Variants in CXCR2 observed in about 807,000 individuals in gnomAD.
The protein encoded by CXCR2 is C-X-C chemokine receptor type 2.
In CXCR2, 2 loss-of-function variants were observed where a neutral mutation model predicts 3.7. The observed-to-expected ratio is 0.55, with a 90% CI of 0.22 to 1.72. CXCR2 has a LOEUF of 1.72. CXCR2 is among the 40% of genes most tolerant of loss of function. The probability of loss-of-function intolerance (pLI) is 0.19; values close to 1 mark genes in which losing one functional copy is unlikely to be tolerated. For synonymous variants in CXCR2, 203 were observed against 193.3 expected, an observed-to-expected ratio of 1.05 and a Z score of -0.41; for missense variants, 351 against 450.1, an observed-to-expected ratio of 0.78 and a Z score of 1.99.
rs1395403482 is a variant in CXCR2 at position 218,126,350 on chromosome 2, G to A, written c.-81G>A. On this transcript the variant is annotated 5_prime_UTR_variant, in exon 1 of 3. Coordinates refer to ENST00000318507, the MANE Select transcript of CXCR2 (RefSeq NM_001557.4). ...GACATCGGTGGCCACTCCAATAACAGCAGGTAGGTGACTTGTTCAGTCTGA... is the reference window on the plus strand; with the variant it reads ...GACATCGGTGGCCACTCCAATAACAACAGGTAGGTGACTTGTTCAGTCTGA... The A allele has an allele frequency of 6.6e-6, 1 of 152,078 alleles. No homozygotes were observed. Among genetic ancestry groups the A allele is most frequent in the African/African-American group, 2.4e-5 (1 of 41,362 alleles). 9.4% of individuals were successfully genotyped at this position (152,078 alleles called of 1,614,324 possible).
intron 2 of CXCR2, among the ~76,000 whole-genome samples, chr2:218,134,199 G>A (rs1261341902): frequency 1.3e-5 from 2 of 152,158 alleles, no homozygotes; most frequent in East Asian, 3.8e-4. Flanking sequence ...CTTTTCTGAG[G>A]GTATAGCCCA....
intron 2 of CXCR2, among the ~76,000 whole-genome samples, chr2:218,133,130 G>T (rs1427863236): frequency 6.6e-6 from 1 of 151,978 alleles, no homozygotes; most frequent in Admixed American, 6.6e-5. Context: ...TCTCACACTG[G>T]GTTCCATTTT....
intron 1 of CXCR2, among the ~76,000 whole-genome samples, chr2:218,127,566 C>T (rs2106098309): frequency 6.6e-6 from 1 of 152,302 alleles, no homozygotes; most frequent in South Asian, 2.1e-4. Flanking sequence ...TTGTATCTGA[C>T]TTTCTGGGAC....
Position 218,130,278 on chromosome 2 carries a change from G to A in CXCR2, c.-26+913G>A, listed in dbSNP as rs17844683. Among the ~76,000 whole-genome samples, 1,510 of 152,088 alleles carry A rather than the reference G, an allele frequency of 9.9e-3. 43 individuals are homozygous for A. Among genetic ancestry groups the A allele is most frequent in the African/African-American group, 0.034 (1,429 of 41,480 alleles). On this transcript the variant is annotated intron_variant, in intron 2 of 2. Transcript: ENST00000318507. ...TCTACTAAAATACAAAAATTGGCCG[G>A]GTGCAGTGGCAGGCGCCTGTAATCT... is the stretch of plus-strand genomic sequence containing the variant.
In CXCR2 at chr2:218,134,909, C is replaced by T. The variant is rs201373363; in HGVS notation, c.108C>T (p.Ala36=). Residue 36 remains alanine (A), a synonymous_variant, in exon 3 of 3, where the codon GCC becomes GCT. Coordinates refer to ENST00000318507, the MANE Select transcript of CXCR2 (RefSeq NM_001557.4). ...SSTLPPFLLD[A]APCEPESLEI... Reference sequence around the variant, plus strand: ...CCCTGCCCCCTTTTCTACTAGATGCCGCCCCATGTGAACCAGAATCCCTGG... The same window carrying T: ...CCCTGCCCCCTTTTCTACTAGATGCTGCCCCATGTGAACCAGAATCCCTGG... 9.9e-6 allele frequency: 16 copies of T among 1,614,080 alleles called. No individual in the cohort carries two copies. Among genetic ancestry groups the T allele is most frequent in the African/African-American group, 8.0e-5 (6 of 74,996 alleles).
At chr2:218,134,326 A>C (rs1690725881) in intron 2 of CXCR2, among the ~76,000 whole-genome samples, 6 of 152,072 alleles carry the variant, frequency 3.9e-5, no homozygotes, top group Admixed American at 3.9e-4. Context: ...TAAGGTCAGG[A>C]GTTTAAGACC....
Position 218,136,017 on chromosome 2 carries a change from A to C in CXCR2, c.*133A>C. On this transcript the variant is annotated 3_prime_UTR_variant, in exon 3 of 3. Transcript: ENST00000318507. ...CCATTGTGGTCACAGGAAGTAGAGG[A>C]GGCCACGTTCTTACTAGTTTCCCTT... The C allele has an allele frequency of 8.4e-7, 1 of 1,192,830 alleles. No individual in the cohort carries two copies. 73.9% of individuals were successfully genotyped at this position (1,192,830 alleles called of 1,614,324 possible).
At chr2:218,131,548 C>T (rs1690646821) in intron 2 of CXCR2, among the ~76,000 whole-genome samples, 1 of 150,060 alleles carries the variant, frequency 6.7e-6, no homozygotes, top group Admixed American at 6.7e-5. Context: ...CGGCTCACTG[C>T]AAGCTTCGCT....
rs1313993741 is a variant in CXCR2 at position 218,136,195 on chromosome 2, A to T, written c.*311A>T. Reference sequence around the variant, plus strand: ...TCCAGTGAGACAGCTCTGCATACTCATTAGGATGGCTAGTATCAAAAGAAA... The same window carrying T: ...TCCAGTGAGACAGCTCTGCATACTCTTTAGGATGGCTAGTATCAAAAGAAA... On this transcript the variant is annotated 3_prime_UTR_variant, in exon 3 of 3. Transcript: ENST00000318507. 1 of 285,680 alleles carries T rather than the reference A, an allele frequency of 3.5e-6. No individual in the cohort carries two copies. The highest frequency in any genetic ancestry group is 7.0e-6 in the Non-Finnish European group (1 of 143,474). 17.7% of individuals were successfully genotyped at this position (285,680 alleles called of 1,614,324 possible). A position where few individuals can be genotyped will look rare whatever the true frequency, so the allele number is the denominator to read the frequency against.
At chr2:218,127,171 G>A (rs1690531042) in intron 1 of CXCR2, among the ~76,000 whole-genome samples, 1 of 152,224 alleles carries the variant, frequency 6.6e-6, no homozygotes, top group Non-Finnish European at 1.5e-5. Flanking sequence ...CTGTCGCCCA[G>A]GCTGGAATGC....
chr2:218,128,583 T>C (rs1463275119), intron 1 of CXCR2, among the ~76,000 whole-genome samples: 1 of 152,252 alleles, frequency 6.6e-6, no homozygotes, highest in Admixed American at 6.5e-5. Context: ...AACATTGTTT[T>C]TAAAAATGCA....
intron 2 of CXCR2, among the ~76,000 whole-genome samples, chr2:218,133,567 G>A (rs1690703577): frequency 6.6e-6 from 1 of 152,130 alleles, no homozygotes; most frequent in Non-Finnish European, 1.5e-5. Flanking sequence ...CCAAAGTGCT[G>A]GGATTACAGG....
intron 1 of CXCR2, among the ~76,000 whole-genome samples, chr2:218,127,497 A>C (rs1019058018): frequency 3.5e-4 from 54 of 152,276 alleles, no homozygotes; most frequent in African/African-American, 1.3e-3. Context: ...TGACCTAAGG[A>C]GCATGAAGAA....
rs774844323 is a variant in CXCR2, at chr2:218,135,867, A to G, written c.1066A>G (p.Thr356Ala). The change falls in exon 3 of 3, where the codon ACT becomes GCT. Residue 356 changes from threonine (T) to alanine (A), a missense_variant. By Grantham distance (58) the Thr-to-Ala change is moderately conservative. Transcript: ENST00000318507. The surrounding 1 kb of genome is among the most constrained non-coding windows in gnomAD (Gnocchi z 4.0). ...PSFVGSSSGHTSTTL is the reference protein window; with the variant it reads ...PSFVGSSSGHASTTL Reference sequence around the variant, plus strand: ...CTTTGTTGGCTCTTCTTCAGGGCACACTTCCACTACTCTCTAAGACCTCCT... The same window carrying G: ...CTTTGTTGGCTCTTCTTCAGGGCACGCTTCCACTACTCTCTAAGACCTCCT... 7 of 1,611,204 alleles carry G rather than the reference A, an allele frequency of 4.3e-6. No homozygotes were observed. Among genetic ancestry groups the G allele is most frequent in the Non-Finnish European group, 5.9e-6 (7 of 1,178,222 alleles).
chr2:218,134,603 A>G (rs1181555062), intron 2 of CXCR2, among the ~76,000 whole-genome samples, 174 bp from the exon 3 acceptor site: 3 of 152,196 alleles, frequency 2.0e-5, no homozygotes, highest in African/African-American at 7.2e-5. Flanking sequence ...AAAATGTACC[A>G]TTTATCACCA....
chr2:218,137,200 T>C lies in CXCR2; in HGVS notation c.*1316T>C, dbSNP rs1025299421. 1 of 167,232 alleles carries C rather than the reference T, an allele frequency of 6.0e-6. No homozygotes were observed. The highest frequency in any genetic ancestry group is 1.5e-5 in the Non-Finnish European group (1 of 68,120). 10.4% of individuals were successfully genotyped at this position (167,232 alleles called of 1,614,324 possible). A position where few individuals can be genotyped will look rare whatever the true frequency, so the allele number is the denominator to read the frequency against. The stretch of plus-strand genomic sequence containing the variant: ...CCACCTGCCTATATTTTTTGTTAAA[T>C]GATTTCATTCAATATCTTTTTTTTA... On this transcript the variant is annotated 3_prime_UTR_variant, in exon 3 of 3. Coordinates refer to ENST00000318507, the MANE Select transcript of CXCR2 (RefSeq NM_001557.4).
At chr2:218,126,714 T>G (rs756375146) in intron 1 of CXCR2, among the ~76,000 whole-genome samples, 2 of 152,164 alleles carry the variant, frequency 1.3e-5, no homozygotes, top group Non-Finnish European at 2.9e-5. Flanking sequence ...TGTGGCATGA[T>G]CTTGGCTCAT....
Position 218,135,631 on chromosome 2 carries a change from T to C in CXCR2, c.830T>C (p.Met277Thr). Reference sequence around the variant, plus strand: ...CTGGTCCTGCTGGCAGACACCCTCATGAGGACCCAGGTGATCCAGGAGACC... The same window carrying C: ...CTGGTCCTGCTGGCAGACACCCTCACGAGGACCCAGGTGATCCAGGAGACC... ...YNLVLLADTLMRTQVIQETCE... is the reference protein window; with the variant it reads ...YNLVLLADTLTRTQVIQETCE... Residue 277 changes from methionine to threonine, a missense_variant, in exon 3 of 3, where the codon ATG (methionine) becomes ACG (threonine). By Grantham distance (81) the Met-to-Thr change is moderately conservative (BLOSUM62 -1). Transcript: ENST00000318507. This position sits in a 1 kb window ranked among gnomAD's most constrained non-coding sequence, Gnocchi z 4.0. The C allele has an allele frequency of 6.2e-7, 1 of 1,614,092 alleles. No individual in the cohort carries two copies.
Position 218,135,512 on chromosome 2 carries a change from G to A in CXCR2, c.711G>A (p.Thr237=), listed in dbSNP as rs201499279. The part of the protein sequence containing the change: ...MLFCYGFTLR[T]LFKAHMGQKH... ...TCTGCTACGGATTCACCCTGCGTACGCTGTTTAAGGCCCACATGGGGCAGA... is the reference window on the plus strand; with the variant it reads ...TCTGCTACGGATTCACCCTGCGTACACTGTTTAAGGCCCACATGGGGCAGA... Residue 237 remains threonine (T), a synonymous_variant, in exon 3 of 3, where the codon ACG becomes ACA. Coordinates refer to ENST00000318507, the MANE Select transcript of CXCR2 (RefSeq NM_001557.4). The surrounding 1 kb of genome is among the most constrained non-coding windows in gnomAD (Gnocchi z 4.0). The A allele has an allele frequency of 1.2e-4, 190 of 1,614,016 alleles. No individual in the cohort carries two copies. Among genetic ancestry groups the A allele is most frequent in the Admixed American group, 3.7e-4 (22 of 59,998 alleles).
Sources: gnomAD v4.1 joint callset for allele counts (sites outside exome capture counted in the v4.1 genomes callset) on GRCh38, gnomAD v4.1.1 for gene constraint, Gnocchi (gnomAD v3.1) non-coding constraint, MANE v1.5 for transcripts, NCBI Gene and HGNC (gene_info 2026-07-23, HGNC 2026-07-21) for gene names.